The following SNRPN variants were observed in gnomAD, a reference collection of about 807,000 sequenced individuals.
SNRPN encodes the protein small nuclear ribonucleoprotein-associated protein N.
SNRPN carries 7 observed loss-of-function variants against 25.2 expected under a neutral mutation model. That is an observed-to-expected ratio of 0.28 (90% CI 0.16 to 0.52). SNRPN has a LOEUF of 0.52. Among genes scored for constraint, SNRPN ranks in the 20% least tolerant of loss-of-function variants. The pLI is 0.96. For synonymous variants in SNRPN, 124 were observed against 110.6 expected, an observed-to-expected ratio of 1.12 and a Z score of -0.76; for missense variants, 196 against 322.5, an observed-to-expected ratio of 0.61 and a Z score of 3.00.
At chr15:24,846,848 C>G (rs1052822523) in intron 2 of SNRPN, among the ~76,000 whole-genome samples, 7 of 151,958 alleles carry the variant, frequency 4.6e-5, no homozygotes, top group East Asian at 1.9e-4. Flanking sequence ...GGGGTCGACT[C>G]AAGAATACAG....
At chr15:24,890,611 G>A (rs903369541) in intron 2 of SNRPN, among the ~76,000 whole-genome samples, 1 of 151,954 alleles carries the variant, frequency 6.6e-6, no homozygotes, top group African/African-American at 2.4e-5. Flanking sequence ...CCCAGGAGGT[G>A]GAGGTTGCAG....
chr15:24,952,071 A>G (rs1382212539), upstream of SNRPN, among the ~76,000 whole-genome samples: 8 of 152,294 alleles, frequency 5.3e-5, no homozygotes, highest in East Asian at 5.8e-4. Flanking sequence ...ACATGTATAC[A>G]TAAGTATACA....
intron 1 of SNRPN, among the ~76,000 whole-genome samples, chr15:24,825,168 G>A (rs1053432986): frequency 2.0e-5 from 3 of 151,998 alleles, no homozygotes; most frequent in East Asian, 3.9e-4. Context: ...TCAGGCACTC[G>A]GGGTTTCAAT....
intron 2 of SNRPN, among the ~76,000 whole-genome samples, chr15:24,830,474 C>A (rs1287874619): frequency 1.3e-5 from 2 of 152,008 alleles, no homozygotes; most frequent in African/African-American, 4.8e-5. Flanking sequence ...TATTTTCTCC[C>A]ACTTACTTTG....
chr15:24,965,596 T>G (rs149302912), intron 2 of SNRPN, among the ~76,000 whole-genome samples: 32 of 152,300 alleles, frequency 2.1e-4, no homozygotes, highest in Non-Finnish European at 4.0e-4. Flanking sequence ...TGTCTTTCAG[T>G]GTATTTGTCA....
chr15:24,874,134 C>A (rs1205038256), intron 1 of SNRPN, among the ~76,000 whole-genome samples: 5 of 151,272 alleles, frequency 3.3e-5, no homozygotes, highest in Non-Finnish European at 7.4e-5. Flanking sequence ...CACAGTGAAA[C>A]CTCGTCTCTA....
At position 24,974,303 on chromosome 15, in the gene SNRPN, C is replaced by T. The variant is rs1041706173; in HGVS notation, c.-143-8C>T. ...TGCAGTGCAGCTTTAACATGCTTTC[C>T]TCTGCAGGCTCCATCTACTCTTTGA... On this transcript the variant is annotated splice_polypyrimidine_tract_variant and splice_region_variant and intron_variant, in intron 3 of 9. Transcript: ENST00000390687. 5 of 711,806 alleles carry T rather than the reference C, an allele frequency of 7.0e-6. No homozygotes were observed. In the East Asian group the frequency reaches 7.8e-5, roughly 11 times the overall value. 44.1% of individuals were successfully genotyped at this position (711,806 alleles called of 1,614,324 possible).
chr15:24,848,081 C>T (rs1320979675), intron 2 of SNRPN, among the ~76,000 whole-genome samples: 1 of 151,958 alleles, frequency 6.6e-6, no homozygotes, highest in East Asian at 1.9e-4. Flanking sequence ...GACTCCTGGT[C>T]CCCCGCGATT....
upstream of SNRPN, among the ~76,000 whole-genome samples, chr15:24,951,064 T>C (rs577313905): frequency 6.6e-6 from 1 of 152,158 alleles, no homozygotes; most frequent in East Asian, 1.9e-4. Context: ...TTTACCATGT[T>C]GGTCAGGCTG....
At chr15:24,976,549 C>A in intron 6 of SNRPN, 133 bp downstream of exon 6, 1 of 718,312 alleles carries the variant, frequency 1.4e-6, no homozygotes, top group South Asian at 1.7e-5. Flanking sequence ...CACTTAATAT[C>A]AATTGTTGGT....
chr15:24,882,370 A>G, intron 1 of SNRPN, among the ~76,000 whole-genome samples: 1 of 152,214 alleles, frequency 6.6e-6, no homozygotes, highest in Non-Finnish European at 1.5e-5. Flanking sequence ...TCCTACTTGC[A>G]ATATTTTAGC....
chr15:24,943,617 G>A (rs768564154), intron 3 of SNRPN, among the ~76,000 whole-genome samples: 10 of 152,034 alleles, frequency 6.6e-5, no homozygotes, highest in Non-Finnish European at 1.2e-4. Context: ...GTGTCCTATG[G>A]TTAAGCCTTT....
intron 1 of SNRPN, among the ~76,000 whole-genome samples, chr15:24,957,683 G>A (rs1186905773): frequency 6.6e-6 from 1 of 152,032 alleles, no homozygotes; most frequent in African/African-American, 2.4e-5. Context: ...CTATTTTTGG[G>A]TAGTTTTAAA....
At chr15:24,917,277 A>G (rs1788319734) in intron 2 of SNRPN, among the ~76,000 whole-genome samples, 1 of 152,138 alleles carries the variant, frequency 6.6e-6, no homozygotes, top group African/African-American at 2.4e-5. Flanking sequence ...TTCCTTTGAG[A>G]TCTATGATGT....
At chr15:24,892,608 A>ATGTCAGGAGTT (rs1555390629) in intron 2 of SNRPN, among the ~76,000 whole-genome samples, 13 of 151,678 alleles carry the variant, frequency 8.6e-5, no homozygotes, top group African/African-American at 1.5e-4. Context: ...GTGGTGGCAC[A>ATGTCAGGAGTT]TGCCTGTAAT....
chr15:24,873,647 C>G (rs947733676), intron 1 of SNRPN, among the ~76,000 whole-genome samples: 1 of 152,052 alleles, frequency 6.6e-6, no homozygotes, highest in Admixed American at 6.6e-5. Context: ...CGGGGTTTCA[C>G]CGTGTTAGCC....
upstream of SNRPN, among the ~76,000 whole-genome samples, chr15:24,951,483 T>C (rs1370217864): frequency 6.6e-6 from 1 of 151,918 alleles, no homozygotes; most frequent in East Asian, 1.9e-4. Context: ...AAAAAAAATG[T>C]TTTTGTCCTT....
Position 24,909,441 on chromosome 15 carries a change from C to T in SNRPN, c.-504-10570C>T, listed in dbSNP as rs1183625895. The T allele has an allele frequency of 1.5e-5, 24 of 1,589,542 alleles. 1 individual carries two copies. The highest frequency in any genetic ancestry group is 1.2e-4 in the South Asian group (11 of 90,822). Reference sequence around the variant, plus strand: ...TCAATGCTTTCCACAATGTATTCATCGCCAGTCACCTCCACTTGGCCTTCA... The same window carrying T: ...TCAATGCTTTCCACAATGTATTCATTGCCAGTCACCTCCACTTGGCCTTCA... On this transcript the variant is annotated intron_variant, in intron 2 of 11. Coordinates refer to the SNRPN transcript ENST00000400097.
rs181328494 is a variant in SNRPN, at chr15:24,974,723, G to A, written c.3+267G>A. On this transcript the variant is annotated intron_variant, in intron 4 of 9. Transcript: ENST00000390687. ...GCAACCCTGGGTTCAAGAGATTCTCGTGCCTCAGCCTCTTTATTAGAAACA... is the reference window on the plus strand; with the variant it reads ...GCAACCCTGGGTTCAAGAGATTCTCATGCCTCAGCCTCTTTATTAGAAACA... 7.1e-5 allele frequency: 43 copies of A among 606,142 alleles called. No homozygotes were observed. In the East Asian group the frequency reaches 1.0e-3, roughly 15 times the overall value. 37.5% of individuals were successfully genotyped at this position (606,142 alleles called of 1,614,324 possible). A position where few individuals can be genotyped will look rare whatever the true frequency, so the allele number is the denominator to read the frequency against.
Sources: allele counts gnomAD v4.1 joint callset (sites outside exome capture counted in the v4.1 genomes callset), GRCh38; gene constraint gnomAD v4.1.1; transcripts MANE v1.5; gene names NCBI Gene and HGNC (gene_info 2026-07-23, HGNC 2026-07-21).